Variants in PPARGC1A observed in about 807,000 individuals in gnomAD.
The protein encoded by PPARGC1A is peroxisome proliferator-activated receptor gamma coactivator 1-alpha.
Under a neutral mutation model 88.7 loss-of-function variants are expected in PPARGC1A, and 25 were observed. The ratio of observed to expected loss-of-function variants is 0.28; its 90% CI spans 0.21 to 0.39. The LOEUF (loss-of-function observed/expected upper bound fraction) is 0.39. Ranked by LOEUF, PPARGC1A falls within the 10% of genes least tolerant of loss-of-function variation. PPARGC1A has a pLI of 1.00. For synonymous variants in PPARGC1A, 363 were observed against 355.6 expected (o/e 1.02, Z -0.24); for missense variants, 880 against 968.7 (o/e 0.91, Z 1.22).
At chr4:24,345,426 C>T in the PPARGC1A span, among the ~76,000 whole-genome samples, 14 of 152,134 alleles carry the variant, frequency 9.2e-5, no homozygotes, top group African/African-American at 2.9e-4. Flanking sequence ...GTGTCATCCA[C>T]GATTTCTTTC....
the PPARGC1A span, among the ~76,000 whole-genome samples, chr4:24,039,431 C>G: frequency 6.6e-6 from 1 of 152,084 alleles, no homozygotes; most frequent in Non-Finnish European, 1.5e-5. Context: ...AGGAACTGCT[C>G]CCTTCTGGAT....
At chr4:24,291,899 G>A in the PPARGC1A span, among the ~76,000 whole-genome samples, 1 of 152,166 alleles carries the variant, frequency 6.6e-6, no homozygotes, top group Non-Finnish European at 1.5e-5. Context: ...AAGTGAATTC[G>A]AAGAGAAAAA....
chr4:24,444,032 G>C, the PPARGC1A span, among the ~76,000 whole-genome samples: 1 of 152,000 alleles, frequency 6.6e-6, no homozygotes, highest in Non-Finnish European at 1.5e-5. Context: ...TTTCGTCGTT[G>C]TTGTTGTTAT....
the PPARGC1A span, among the ~76,000 whole-genome samples, chr4:24,181,145 T>C: frequency 6.6e-6 from 1 of 152,208 alleles, no homozygotes; most frequent in Non-Finnish European, 1.5e-5. Context: ...CCCTGGCTTC[T>C]TTGAGAATAA....
the PPARGC1A span, among the ~76,000 whole-genome samples, chr4:24,156,737 T>TC: frequency 0.021 from 2,047 of 97,690 alleles, 45 homozygotes; most frequent in African/African-American, 0.064. Context: ...TCTCTCTCTC[T>TC]TTTTTTTTTT....
chr4:24,197,330 T>C, the PPARGC1A span, among the ~76,000 whole-genome samples: 1 of 152,230 alleles, frequency 6.6e-6, no homozygotes, highest in Non-Finnish European at 1.5e-5. Flanking sequence ...TTTCCAGCTA[T>C]GCCAGTGATG....
At chr4:24,429,605 G>C in the PPARGC1A span, among the ~76,000 whole-genome samples, 1 of 151,884 alleles carries the variant, frequency 6.6e-6, no homozygotes, top group African/African-American at 2.4e-5. Flanking sequence ...GAGGGCAGGA[G>C]GGGAAAGGCA....
chr4:23,949,573 T>C, the PPARGC1A span, among the ~76,000 whole-genome samples: 1 of 152,200 alleles, frequency 6.6e-6, no homozygotes, highest in Admixed American at 6.5e-5. Flanking sequence ...CCATCTGTTA[T>C]CAACATACTT....
the PPARGC1A span, among the ~76,000 whole-genome samples, chr4:24,116,583 A>C: frequency 5.3e-5 from 8 of 152,230 alleles, no homozygotes; most frequent in African/African-American, 1.9e-4. Flanking sequence ...CATCTCTAGA[A>C]GCTGATTGTG....
the PPARGC1A span, among the ~76,000 whole-genome samples, chr4:23,910,244 T>A: frequency 2.8e-5 from 3 of 105,306 alleles, no homozygotes; most frequent in African/African-American, 7.3e-5. Flanking sequence ...ATAATATATA[T>A]AAATATATAT....
At chr4:24,460,037 T>C in the PPARGC1A span, among the ~76,000 whole-genome samples, 1 of 152,192 alleles carries the variant, frequency 6.6e-6, no homozygotes, top group Non-Finnish European at 1.5e-5. Flanking sequence ...AACAACTAAG[T>C]GATGCTTGAA....
the PPARGC1A span, among the ~76,000 whole-genome samples, chr4:23,995,845 A>G: frequency 6.6e-6 from 1 of 152,176 alleles, no homozygotes; most frequent in East Asian, 1.9e-4. Context: ...GAAATGAGCC[A>G]TATTTAGTTT....
the PPARGC1A span, among the ~76,000 whole-genome samples, chr4:24,181,372 G>A: frequency 1.6e-4 from 25 of 152,234 alleles, no homozygotes; most frequent in South Asian, 1.0e-3. Flanking sequence ...GTTTTCCCAC[G>A]AATAGATAGG....
chr4:23,968,705 A>G, the PPARGC1A span, among the ~76,000 whole-genome samples: 1 of 152,152 alleles, frequency 6.6e-6, no homozygotes, highest in African/African-American at 2.4e-5. Flanking sequence ...ACCTGAGGTC[A>G]GGAGTTCGAG....
At chr4:23,825,263 C>A (rs1225058502) in intron 5 of PPARGC1A, 1 of 151,922 alleles carries the variant, frequency 6.6e-6, no homozygotes, top group Non-Finnish European at 1.5e-5. Context: ...GTATTTTGAA[C>A]AGAAGGAGGG....
chr4:23,955,760 T>C, the PPARGC1A span, among the ~76,000 whole-genome samples: 5 of 152,250 alleles, frequency 3.3e-5, no homozygotes, highest in Middle Eastern at 3.4e-3. Context: ...TCTCATGAGG[T>C]TGAATTTGTA....
the PPARGC1A span, among the ~76,000 whole-genome samples, chr4:24,273,408 A>G: frequency 6.6e-6 from 1 of 152,220 alleles, no homozygotes; most frequent in African/African-American, 2.4e-5. Context: ...TTTAGAGGCA[A>G]GGGAAGCCAC....
chr4:24,350,128 G>A, the PPARGC1A span, among the ~76,000 whole-genome samples: 2 of 152,228 alleles, frequency 1.3e-5, no homozygotes, highest in African/African-American at 2.4e-5. Flanking sequence ...CACTTCTGCA[G>A]TTGGGGCACT....
chr4:23,828,643 C>A, intron 4 of PPARGC1A, 39 bp from the exon 5 acceptor site: 2 of 1,583,710 alleles, frequency 1.3e-6, no homozygotes, highest in Non-Finnish European at 1.7e-6. Context: ...AATTAGTGAA[C>A]TGAACCTTAT....
Sources: allele counts gnomAD v4.1 joint callset (sites outside exome capture counted in the v4.1 genomes callset), GRCh38; gene constraint gnomAD v4.1.1; transcripts MANE v1.5; gene names NCBI Gene and HGNC (gene_info 2026-07-23, HGNC 2026-07-21).